CUX2: variants seen among roughly 807,000 people sequenced by gnomAD.
CUX2 encodes the protein cut like homeobox 2.
A neutral mutation model predicts 144.8 loss-of-function variants in CUX2; 40 were observed. That is an observed-to-expected ratio of 0.28 (90% CI 0.21 to 0.36). The LOEUF is 0.36. CUX2 is among the 10% of genes least tolerant of loss of function. The pLI, the probability that CUX2 is intolerant of heterozygous loss-of-function variation, is 1.00. For synonymous variants in CUX2, 827 were observed against 875.6 expected (o/e 0.94, Z 0.98); for missense variants, 1,615 against 1,994.0 (o/e 0.81, Z 3.62).
chr12:111,259,909 T>G (rs1363275955), intron 3 of CUX2, among the ~76,000 whole-genome samples: 1 of 151,802 alleles, frequency 6.6e-6, no homozygotes. Flanking sequence ...AATATAAAAA[T>G]TATTGGCTTT....
At chr12:111,169,319 T>G (rs1213007207) in intron 1 of CUX2, among the ~76,000 whole-genome samples, 1 of 152,274 alleles carries the variant, frequency 6.6e-6, no homozygotes, top group East Asian at 1.9e-4. Context: ...AGCGCAGCCC[T>G]GCCAGCCCAC....
rs142854458 is a variant in CUX2 at position 111,061,576 on chromosome 12, TC to T, written c.63+27338del. Among the ~76,000 whole-genome samples, 841 of 152,322 alleles carry T rather than the reference TC, an allele frequency of 5.5e-3. 10 individuals carry two copies. Among genetic ancestry groups the T allele is most frequent in the African/African-American group, 0.019 (794 of 41,566 alleles). Reference sequence around the variant, plus strand: ...GTGTGTGTTTCTGTCTACACCCTCGTCCTGCTTTGCCCGCCTAAGTACATCC... The same window carrying T: ...GTGTGTGTTTCTGTCTACACCCTCGTCTGCTTTGCCCGCCTAAGTACATCC... On this transcript the variant is annotated intron_variant, in intron 1 of 21. Transcript: ENST00000261726. The surrounding 1 kb of genome is among the most constrained non-coding windows in gnomAD (Gnocchi z 4.2).
chr12:111,081,824 A>C (rs958589390), intron 1 of CUX2, among the ~76,000 whole-genome samples: 2 of 152,202 alleles, frequency 1.3e-5, no homozygotes, highest in African/African-American at 2.4e-5. Flanking sequence ...AGTGTCTTCC[A>C]CGAGCTTCCG....
chr12:111,167,997 G>A (rs956316111), intron 1 of CUX2, among the ~76,000 whole-genome samples: 4 of 152,060 alleles, frequency 2.6e-5, no homozygotes, highest in Non-Finnish European at 5.9e-5. Flanking sequence ...CTCAGGGTAC[G>A]CCCTGTTTTA....
At chr12:111,096,521 A>G (rs1412518047) in intron 1 of CUX2, among the ~76,000 whole-genome samples, 1 of 152,170 alleles carries the variant, frequency 6.6e-6, no homozygotes, top group Non-Finnish European at 1.5e-5. Context: ...CACAGAGGCA[A>G]AGTCACTTGC....
intron 1 of CUX2, among the ~76,000 whole-genome samples, chr12:111,126,788 T>C (rs1187059739): frequency 6.6e-6 from 1 of 152,196 alleles, no homozygotes; most frequent in Non-Finnish European, 1.5e-5. Context: ...CCATCACAAG[T>C]CCACCCCTTG....
Position 111,293,675 on chromosome 12 carries a change from G to A in CUX2, c.560+106G>A. ...GAAAGTCTCCTACCAGAATCCAGATGCAGGCTGGAGACCGAGATGAGAAAG... is the reference window on the plus strand; with the variant it reads ...GAAAGTCTCCTACCAGAATCCAGATACAGGCTGGAGACCGAGATGAGAAAG... On this transcript the variant is annotated intron_variant, in intron 6 of 21. Transcript: ENST00000261726. This position sits in a 1 kb window ranked among gnomAD's most constrained non-coding sequence, Gnocchi z 4.5. The A allele has an allele frequency of 7.0e-7, 1 of 1,420,248 alleles. No individual in the cohort carries two copies. Among genetic ancestry groups the A allele is most frequent in the Non-Finnish European group, 9.4e-7 (1 of 1,062,128 alleles). 88.0% of individuals were successfully genotyped at this position (1,420,248 alleles called of 1,614,324 possible). A position where few individuals can be genotyped will look rare whatever the true frequency, so the allele number is the denominator to read the frequency against.
intron 18 of CUX2, among the ~76,000 whole-genome samples, chr12:111,325,171 G>C (rs1019518563): frequency 6.6e-6 from 1 of 151,872 alleles, no homozygotes; most frequent in Non-Finnish European, 1.5e-5. Flanking sequence ...GCAGGCGCCT[G>C]TAGTCCCAGC....
At chr12:111,101,080 G>A (rs1347299513) in intron 1 of CUX2, among the ~76,000 whole-genome samples, 3 of 152,230 alleles carry the variant, frequency 2.0e-5, no homozygotes, top group Admixed American at 1.3e-4. Flanking sequence ...AACAATGGGT[G>A]TTTTGGTTTT....
intron 1 of CUX2, among the ~76,000 whole-genome samples, chr12:111,185,481 T>G (rs1879470991): frequency 6.6e-6 from 1 of 152,246 alleles, no homozygotes; most frequent in African/African-American, 2.4e-5. Flanking sequence ...AATCGTGTAC[T>G]GAAACCGCTG....
intron 3 of CUX2, among the ~76,000 whole-genome samples, chr12:111,228,492 C>T (rs760645273): frequency 2.0e-5 from 3 of 152,070 alleles, no homozygotes; most frequent in East Asian, 1.9e-4. Flanking sequence ...GTTGCAATCT[C>T]GGCTCACTGC....
chr12:111,103,683 C>T (rs924811624), intron 1 of CUX2, among the ~76,000 whole-genome samples: 4 of 152,176 alleles, frequency 2.6e-5, no homozygotes, highest in South Asian at 4.1e-4. Flanking sequence ...AGGACTCTTA[C>T]GGTTCTATCT....
intron 1 of CUX2, among the ~76,000 whole-genome samples, chr12:111,166,337 A>G (rs775186336): frequency 1.3e-5 from 2 of 152,162 alleles, no homozygotes; most frequent in African/African-American, 2.4e-5. Context: ...CATTTATTTT[A>G]ACTGCTTGGA....
At chr12:111,315,731 A>G (rs184185367) in intron 16 of CUX2, among the ~76,000 whole-genome samples, 27 of 152,278 alleles carry the variant, frequency 1.8e-4, no homozygotes, top group African/African-American at 6.0e-4. Flanking sequence ...AAAAAAAGAA[A>G]AAATTTAGCT....
chr12:111,188,143 C>A (rs994242684), intron 1 of CUX2, among the ~76,000 whole-genome samples: 3 of 152,232 alleles, frequency 2.0e-5, no homozygotes, highest in African/African-American at 7.2e-5. Flanking sequence ...CCACTTCTGG[C>A]CTTGTTCCTT....
chr12:111,114,382 C>T (rs550607070), intron 1 of CUX2, among the ~76,000 whole-genome samples: 4 of 152,074 alleles, frequency 2.6e-5, no homozygotes, highest in Admixed American at 1.3e-4. Flanking sequence ...ATTTGCTGTC[C>T]GCATGTCTGT....
intron 1 of CUX2, among the ~76,000 whole-genome samples, chr12:111,100,290 G>C (rs1361218869): frequency 6.6e-6 from 1 of 152,088 alleles, no homozygotes; most frequent in Admixed American, 6.5e-5. Context: ...TGTATGCGTG[G>C]CCTGTGTGGC....
chr12:111,336,081 G>T (rs1888336822), intron 19 of CUX2, among the ~76,000 whole-genome samples: 1 of 152,166 alleles, frequency 6.6e-6, no homozygotes, highest in Non-Finnish European at 1.5e-5. Flanking sequence ...TCAGCCCACG[G>T]CTTTAAAAAC....
rs778912650 is a variant in CUX2 at position 111,178,810 on chromosome 12, G to A, written c.64-35390G>A. ...CAGATGGAAGCGCAGGGGCCGTGGG[G>A]GCTTGGGGATGTCCTGTGGTGGTGA... On this transcript the variant is annotated intron_variant, in intron 1 of 21. Coordinates refer to ENST00000261726, the MANE Select transcript of CUX2 (RefSeq NM_015267.4). The surrounding 1 kb of genome is among the most constrained non-coding windows in gnomAD (Gnocchi z 5.7). Among the ~76,000 whole-genome samples, 64 of 152,220 alleles carry A rather than the reference G, an allele frequency of 4.2e-4. No homozygotes were observed. The highest frequency in any genetic ancestry group is 8.7e-4 in the Non-Finnish European group (59 of 68,016).
Sources: gnomAD v4.1 joint callset for allele counts (sites outside exome capture counted in the v4.1 genomes callset) on GRCh38, gnomAD v4.1.1 for gene constraint, Gnocchi (gnomAD v3.1) non-coding constraint, MANE v1.5 for transcripts, NCBI Gene and HGNC (gene_info 2026-07-23, HGNC 2026-07-21) for gene names.